RAPGEF1: variants seen among roughly 807,000 people sequenced by gnomAD.
RAPGEF1 encodes CRK SH3-binding GNRP.
A neutral mutation model predicts 143.3 loss-of-function variants in RAPGEF1; 33 were observed. The ratio of observed to expected loss-of-function variants is 0.23; its 90% CI spans 0.17 to 0.31. RAPGEF1 has a LOEUF of 0.31. Ranked by LOEUF, RAPGEF1 falls within the 10% of genes least tolerant of loss-of-function variation. RAPGEF1 has a pLI of 1.00. For synonymous variants in RAPGEF1, 629 were observed against 676.5 expected (o/e 0.93, Z 1.09); for missense variants, 1,199 against 1,645.4 (o/e 0.73, Z 4.69).
At chr9:131,622,217 A>G (rs935078141) in intron 10 of RAPGEF1, among the ~76,000 whole-genome samples, 1 of 152,142 alleles carries the variant, frequency 6.6e-6, no homozygotes, top group African/African-American at 2.4e-5. Context: ...GCGCAACACC[A>G]ATGGGGAACC....
chr9:131,626,754 ATT>A (rs1963213612), intron 9 of RAPGEF1, among the ~76,000 whole-genome samples: 1 of 152,242 alleles, frequency 6.6e-6, no homozygotes, highest in Non-Finnish European at 1.5e-5. Flanking sequence ...TTCTATTTAC[ATT>A]TTGAAGTATT....
intron 1 of RAPGEF1, among the ~76,000 whole-genome samples, chr9:131,724,203 A>G (rs935171509): frequency 6.6e-6 from 1 of 152,284 alleles, no homozygotes; most frequent in African/African-American, 2.4e-5. Flanking sequence ...CTGACAGTGT[A>G]TTGTTAAGAT....
chr9:131,602,131 C>G lies in RAPGEF1; in HGVS notation c.2431G>C (p.Asp811His). 6.3e-7 allele frequency: 1 copy of G among 1,594,350 alleles called. No individual in the cohort carries two copies. The highest frequency in any genetic ancestry group is 1.3e-5 in the African/African-American group (1 of 74,634). ...GCTGAGGGATCTCTGGGATGTCCGT[C>G]TTTCCCAGCCGGTGGCTCCTGGAAA... ...PSRGEPPAGK[D>H]GHPRDPSAVS... Residue 811 changes from aspartate (D) to histidine (H), a missense_variant, in exon 15 of 27, where the codon GAC becomes CAC. Around this residue, in one of 6 missense-constraint regions of RAPGEF1, gnomAD observed 293 missense variants for 356.2 expected, o/e 0.82. Coordinates refer to ENST00000683357, the MANE Select transcript of RAPGEF1 (RefSeq NM_001377935.1).
chr9:131,647,675 C>G (rs796649132), intron 3 of RAPGEF1, among the ~76,000 whole-genome samples: 12 of 152,312 alleles, frequency 7.9e-5, no homozygotes, highest in African/African-American at 2.9e-4. Flanking sequence ...GTCCATGGGC[C>G]TCCACGAAGC....
At chr9:131,733,414 A>G (rs1310139324) in intron 1 of RAPGEF1, among the ~76,000 whole-genome samples, 7 of 151,344 alleles carry the variant, frequency 4.6e-5, no homozygotes, top group Admixed American at 4.0e-4. Flanking sequence ...TACAGCTTAA[A>G]AACACAAACA....
chr9:131,644,283 T>C (rs1968928743), intron 3 of RAPGEF1, among the ~76,000 whole-genome samples: 1 of 152,004 alleles, frequency 6.6e-6, no homozygotes, highest in Non-Finnish European at 1.5e-5. Flanking sequence ...CCCCTCTACT[T>C]GCCCTGATGT....
At position 131,579,457 on chromosome 9, in the gene RAPGEF1, T is replaced by C; in HGVS notation, c.*40A>G. 2 of 1,606,922 alleles carry C rather than the reference T, an allele frequency of 1.2e-6. No homozygotes were observed. Among genetic ancestry groups the C allele is most frequent in the Non-Finnish European group, 1.7e-6 (2 of 1,175,790 alleles). ...CCTCTCCGGTCTGGGAGCTGCCCTC[T>C]GCGCCCCTCGAGCATTCTCCTGGAT... On this transcript the variant is annotated 3_prime_UTR_variant, in exon 27 of 27. Transcript: ENST00000683357.
At chr9:131,686,684 T>C (rs2130975024) in intron 1 of RAPGEF1, among the ~76,000 whole-genome samples, 1 of 152,320 alleles carries the variant, frequency 6.6e-6, no homozygotes, top group African/African-American at 2.4e-5. Flanking sequence ...GTAGGTTACA[T>C]CCACTGCCTT....
intron 1 of RAPGEF1, among the ~76,000 whole-genome samples, chr9:131,734,984 G>T (rs929596296): frequency 6.6e-6 from 1 of 152,174 alleles, no homozygotes; most frequent in Non-Finnish European, 1.5e-5. Flanking sequence ...AGGAGGGTCT[G>T]GTAAATGATG....
At chr9:131,732,881 A>T (rs1404153388) in intron 1 of RAPGEF1, among the ~76,000 whole-genome samples, 3 of 152,218 alleles carry the variant, frequency 2.0e-5, no homozygotes, top group Non-Finnish European at 2.9e-5. Flanking sequence ...GGAGCTAATC[A>T]TCTGTTTAAC....
chr9:131,691,965 A>G (rs933785892), intron 1 of RAPGEF1, among the ~76,000 whole-genome samples: 2 of 152,184 alleles, frequency 1.3e-5, no homozygotes, highest in African/African-American at 4.8e-5. Flanking sequence ...TCCCTACCTA[A>G]TATCTCCAGA....
chr9:131,586,886 TCAAACA>T (rs1382802842), intron 22 of RAPGEF1, among the ~76,000 whole-genome samples: 3 of 56,030 alleles, frequency 5.4e-5, no homozygotes, highest in Admixed American at 2.0e-4. Flanking sequence ...AGACTCCGTC[TCAAACA>T]CACACACACA....
At chr9:131,629,320 T>C in intron 6 of RAPGEF1, 66 bp from the exon 7 acceptor site, 1 of 1,485,298 alleles carries the variant, frequency 6.7e-7, no homozygotes, top group Non-Finnish European at 9.2e-7. Context: ...ACACAGGCCC[T>C]GAGAGGGTGA....
chr9:131,631,685 C>T (rs909184964), intron 5 of RAPGEF1, among the ~76,000 whole-genome samples: 3 of 152,210 alleles, frequency 2.0e-5, no homozygotes, highest in African/African-American at 4.8e-5. Context: ...CTCAAAAAAG[C>T]ACCACACACA....
At chr9:131,726,827 C>G (rs560769154) in intron 1 of RAPGEF1, among the ~76,000 whole-genome samples, 1 of 152,120 alleles carries the variant, frequency 6.6e-6, no homozygotes, top group African/African-American at 2.4e-5. Flanking sequence ...ATAGGGAAAC[C>G]TGTCTCTACA....
intron 14 of RAPGEF1, among the ~76,000 whole-genome samples, chr9:131,603,659 T>C (rs1285370357): frequency 6.6e-6 from 1 of 152,058 alleles, no homozygotes; most frequent in African/African-American, 2.4e-5. Flanking sequence ...CAGAGAGCAC[T>C]AGATACACAG....
intron 1 of RAPGEF1, among the ~76,000 whole-genome samples, chr9:131,705,376 A>C (rs990390036): frequency 1.3e-5 from 2 of 152,320 alleles, no homozygotes; most frequent in Non-Finnish European, 2.9e-5. Flanking sequence ...TAAAAAAAAA[A>C]AACCATGGAT....
chr9:131,608,967 G>C (rs988140765), intron 12 of RAPGEF1, among the ~76,000 whole-genome samples: 2 of 152,220 alleles, frequency 1.3e-5, no homozygotes, highest in Non-Finnish European at 2.9e-5. Flanking sequence ...TCGTGCCCGG[G>C]TTTGCTTCTG....
chr9:131,719,553 CTTTTTTTTTT>C lies in RAPGEF1; in HGVS notation c.61+20207_61+20216del, dbSNP rs34413859. On this transcript the variant is annotated intron_variant, in intron 1 of 26. Transcript: ENST00000683357. Reference sequence around the variant, plus strand: ...GACAAGTCACATAAACCCTTCAGGGCTTTTTTTTTTTTTTTTTTTTTTTTTGAGACAGTCT... The same window carrying C: ...GACAAGTCACATAAACCCTTCAGGGCTTTTTTTTTTTTTTTGAGACAGTCT... Among the ~76,000 whole-genome samples, 7 of 72,410 alleles carry C rather than the reference CTTTTTTTTTT, an allele frequency of 9.7e-5. No homozygotes were observed. In the East Asian group the frequency reaches 1.9e-3, roughly 19 times the overall value. The allele number at this position is 72,410 out of a possible 152,430, so 47.5% of individuals were successfully genotyped here.
Sources: allele counts gnomAD v4.1 joint callset (sites outside exome capture counted in the v4.1 genomes callset), GRCh38; gene constraint gnomAD v4.1.1; regional missense constraint gnomAD v4.1.1; transcripts MANE v1.5; gene names NCBI Gene and HGNC (gene_info 2026-07-23, HGNC 2026-07-21).